The following MYT1L variants were observed in gnomAD, a reference collection of about 807,000 sequenced individuals.
The protein encoded by MYT1L is myelin transcription factor 1-like protein.
MYT1L carries 12 observed loss-of-function variants against 126.7 expected under a neutral mutation model. The ratio of observed to expected loss-of-function variants is 0.09; its 90% CI spans 0.06 to 0.15. The LOEUF is 0.15. MYT1L is among the 10% of genes least tolerant of loss of function. The pLI, the probability that MYT1L is intolerant of heterozygous loss-of-function variation, is 1.00. For synonymous variants in MYT1L, 541 were observed against 604.2 expected, an observed-to-expected ratio of 0.90 and a Z score of 1.53; for missense variants, 979 against 1,585.2, an observed-to-expected ratio of 0.62 and a Z score of 6.49.
intron 23 of MYT1L, among the ~76,000 whole-genome samples, chr2:1,799,253 G>A (rs890067490): frequency 3.3e-5 from 5 of 152,210 alleles, no homozygotes; most frequent in African/African-American, 9.7e-5. Flanking sequence ...AAGGCACAAA[G>A]GAGCCAGTGA....
intron 2 of MYT1L, among the ~76,000 whole-genome samples, chr2:2,270,205 C>CA (rs2095234908): frequency 6.6e-6 from 1 of 152,228 alleles, no homozygotes; most frequent in African/African-American, 2.4e-5. Context: ...ACCAGATGTG[C>CA]AGGCACCTTA....
rs889193690 is a variant in MYT1L, at chr2:1,922,109, A to G, written c.1483+177T>C. On this transcript the variant is annotated intron_variant, in intron 10 of 24. Coordinates refer to ENST00000647738, the MANE Select transcript of MYT1L (RefSeq NM_001303052.2). The surrounding 1 kb of genome is among the most constrained non-coding windows in gnomAD (Gnocchi z 7.4). ...GCTGCTTTATGTATTTCTCAGACAA[A>G]TATTTTATTTGCTTGTCAGAAACGT... Among the ~76,000 whole-genome samples the G allele has an allele frequency of 2.6e-5, 4 of 152,196 alleles. No individual in the cohort carries two copies. The highest frequency in any genetic ancestry group is 2.6e-4 in the Admixed American group (4 of 15,282).
intron 3 of MYT1L, among the ~76,000 whole-genome samples, chr2:2,132,404 GA>G (rs2082491847): frequency 6.6e-6 from 1 of 152,128 alleles, no homozygotes; most frequent in Non-Finnish European, 1.5e-5. Context: ...AGCCATAAAA[GA>G]GAATGAGTTC....
At chr2:1,954,517 C>T (rs1372446581) in intron 8 of MYT1L, among the ~76,000 whole-genome samples, 1 of 152,174 alleles carries the variant, frequency 6.6e-6, no homozygotes, top group Non-Finnish European at 1.5e-5. Context: ...CACAGCAGCA[C>T]AGACGATGGG....
chr2:2,132,798 C>T (rs937674644), intron 3 of MYT1L, among the ~76,000 whole-genome samples: 31 of 151,986 alleles, frequency 2.0e-4, no homozygotes, highest in African/African-American at 6.5e-4. Context: ...TATGAATAGA[C>T]TAAGTCTACA....
chr2:1,851,747 A>G (rs2043286610), intron 18 of MYT1L, 44 bp from the exon 19 acceptor site: 1 of 1,567,888 alleles, frequency 6.4e-7, no homozygotes. Flanking sequence ...AAAGAAATAA[A>G]GTTCCCTGAA....
At chr2:1,849,777 G>T (rs1326526530) in intron 19 of MYT1L, among the ~76,000 whole-genome samples, 1 of 152,270 alleles carries the variant, frequency 6.6e-6, no homozygotes, top group Non-Finnish European at 1.5e-5. Context: ...CATTCACAAT[G>T]TGTGCTTTTC....
intron 4 of MYT1L, among the ~76,000 whole-genome samples, chr2:2,008,776 T>C (rs2063556394): frequency 6.6e-6 from 1 of 152,194 alleles, no homozygotes; most frequent in African/African-American, 2.4e-5. Flanking sequence ...AGGAGATTTT[T>C]CCCAACATTT....
chr2:1,993,914 A>G (rs1321509519), intron 5 of MYT1L, among the ~76,000 whole-genome samples: 1 of 152,120 alleles, frequency 6.6e-6, no homozygotes, highest in Admixed American at 6.5e-5. Context: ...TCGTCTGTGA[A>G]ATTGTGATTC....
Position 2,120,611 on chromosome 2 carries a change from A to G in MYT1L, c.-304+52261T>C, listed in dbSNP as rs189280768. Among the ~76,000 whole-genome samples, 197 of 152,186 alleles carry G rather than the reference A, an allele frequency of 1.3e-3. 1 individual carries two copies. The highest frequency in any genetic ancestry group is 3.4e-3 in the Middle Eastern group (1 of 294). On this transcript the variant is annotated intron_variant, in intron 3 of 24. Coordinates refer to ENST00000647738, the MANE Select transcript of MYT1L (RefSeq NM_001303052.2). ...CACTGTGAGGGATGGATGTGAAGCT[A>G]AGGGGAGTCATGCTCTTACAAAAAT...
intron 4 of MYT1L, among the ~76,000 whole-genome samples, chr2:2,044,295 C>T (rs868791607): frequency 2.0e-5 from 3 of 152,328 alleles, no homozygotes; most frequent in Middle Eastern, 6.8e-3. Context: ...CGATACACCA[C>T]ACTCATCACT....
chr2:2,105,709 T>A (rs919624165), intron 3 of MYT1L, among the ~76,000 whole-genome samples: 1 of 152,212 alleles, frequency 6.6e-6, no homozygotes, highest in African/African-American at 2.4e-5. Flanking sequence ...GTATGCATTT[T>A]TATATTTGCA....
At chr2:1,944,363 CA>C (rs757981977) in intron 8 of MYT1L, among the ~76,000 whole-genome samples, 33 of 152,020 alleles carry the variant, frequency 2.2e-4, no homozygotes, top group Admixed American at 1.8e-3. Flanking sequence ...ATATATACTA[CA>C]AAAAAATAGG....
chr2:1,941,533 C>T lies in MYT1L; in HGVS notation c.505+1449G>A, dbSNP rs150084576. On this transcript the variant is annotated intron_variant, in intron 9 of 24. Transcript: ENST00000647738. ...TAGCATCTCATGAATGACACTGGTG[C>T]CTTGTGTCCCTGGTAGATTTAATAG... Among the ~76,000 whole-genome samples, 579 of 152,254 alleles carry T rather than the reference C, an allele frequency of 3.8e-3. 3 individuals are homozygous for T. Among genetic ancestry groups the T allele is most frequent in the Middle Eastern group, 0.014 (4 of 294 alleles).
At chr2:1,972,147 G>A (rs2059857845) in intron 8 of MYT1L, among the ~76,000 whole-genome samples, 1 of 152,116 alleles carries the variant, frequency 6.6e-6, no homozygotes, top group Non-Finnish European at 1.5e-5. Context: ...AGCCTGGTTT[G>A]GAGGCTGCGT....
intron 18 of MYT1L, among the ~76,000 whole-genome samples, chr2:1,862,773 C>T (rs1485877839): frequency 2.0e-5 from 3 of 152,090 alleles, no homozygotes; most frequent in South Asian, 2.1e-4. Flanking sequence ...GGGATGTGGC[C>T]GTCTCATATT....
chr2:2,118,391 T>C (rs1383797577), intron 3 of MYT1L, among the ~76,000 whole-genome samples: 2 of 152,196 alleles, frequency 1.3e-5, no homozygotes, highest in Admixed American at 6.5e-5. Flanking sequence ...AGCAAAATAA[T>C]TGGTGCATAA....
At chr2:1,843,418 GTTACTACGGTATCCTACCCAGGGAGAA>G (rs1249586381) in intron 19 of MYT1L, among the ~76,000 whole-genome samples, 9 of 151,472 alleles carry the variant, frequency 5.9e-5, no homozygotes, top group East Asian at 3.9e-4. Context: ...CCCAGGGAGA[GTTACTACGGTATCCTACCCAGGGAGAA>G]TTACTATGAT....
Position 1,801,423 on chromosome 2 carries a change from G to A in MYT1L, c.3276+273C>T, listed in dbSNP as rs778804581. ...ACCTTCATTGTTTGCAGGAACAGGC[G>A]ATCCTCTGAAAATGCCTATTCACAA... On this transcript the variant is annotated intron_variant, in intron 23 of 24. Coordinates refer to ENST00000647738, the MANE Select transcript of MYT1L (RefSeq NM_001303052.2). This position sits in a 1 kb window ranked among gnomAD's most constrained non-coding sequence, Gnocchi z 4.2. The A allele has an allele frequency of 1.2e-5, 4 of 336,766 alleles. No homozygotes were observed. The highest frequency in any genetic ancestry group is 6.3e-5 in the African/African-American group (3 of 47,270). The allele number at this position is 336,766 out of a possible 1,614,324, so 20.9% of individuals were successfully genotyped here. A position where few individuals can be genotyped will look rare whatever the true frequency, so the allele number is the denominator to read the frequency against.
Sources: allele counts gnomAD v4.1 joint callset (sites outside exome capture counted in the v4.1 genomes callset), GRCh38; gene constraint gnomAD v4.1.1; non-coding constraint Gnocchi (gnomAD v3.1); transcripts MANE v1.5; gene names NCBI Gene and HGNC (gene_info 2026-07-23, HGNC 2026-07-21).